Variants in RBFOX1 observed in about 807,000 individuals in gnomAD.
The protein encoded by RBFOX1 is RNA binding fox-1 homolog 1, also known as RNA binding protein fox-1 homolog 1.
RBFOX1 carries 8 observed loss-of-function variants against 57.7 expected under a neutral mutation model. The ratio of observed to expected loss-of-function variants is 0.14; its 90% CI spans 0.08 to 0.25. The LOEUF is 0.25. RBFOX1 is among the 10% of genes least tolerant of loss of function. RBFOX1 has a pLI of 1.00. For synonymous variants in RBFOX1, 326 were observed against 222.4 expected, an observed-to-expected ratio of 1.47 and a Z score of -4.15; for missense variants, 611 against 548.5, an observed-to-expected ratio of 1.11 and a Z score of -1.14.
rs925443041 is a variant in RBFOX1, at chr16:7,003,994, T to G, written c.-15-48063T>G. ...CCCAGGGTAGAAATGAGGGGTTTTT[T>G]TTTTTTTTTTTATAAAAAAAGTAAC... is the stretch of plus-strand genomic sequence containing the variant. On this transcript the variant is annotated intron_variant, in intron 3 of 15. Transcript: ENST00000550418. The G allele has an allele frequency of 3.3e-4, 50 of 151,922 alleles. 1 individual carries two copies. Among genetic ancestry groups the G allele is most frequent in the Non-Finnish European group, 3.4e-4 (23 of 67,964 alleles). The allele number at this position is 151,922 out of a possible 1,614,324, so 9.4% of individuals were successfully genotyped here.
chr16:6,151,547 A>G (rs1430938690), intron 1 of RBFOX1, among the ~76,000 whole-genome samples: 1 of 152,182 alleles, frequency 6.6e-6, no homozygotes, highest in African/African-American at 2.4e-5. Flanking sequence ...TAGCCTCCCA[A>G]AGTGCTGGGG....
In RBFOX1 at chr16:5,401,782, C is replaced by G. The variant is rs1352622437; in HGVS notation, c.220-65434C>G. Among the ~76,000 whole-genome samples the G allele has an allele frequency of 3.3e-5, 5 of 150,462 alleles. No individual in the cohort carries two copies. The East Asian group carries it at 1.0e-3, about 30-fold the overall frequency. ...CTGTCTCTCTCCTCCTCCTCCTCCT[C>G]CTCCTCCTCCTCTTTCTCCTCCTCC... On this transcript the variant is annotated intron_variant, in intron 1 of 2. Coordinates refer to the RBFOX1 transcript ENST00000585867.
chr16:6,189,514 G>A (rs2097128858), intron 1 of RBFOX1, among the ~76,000 whole-genome samples: 1 of 152,204 alleles, frequency 6.6e-6, no homozygotes, highest in African/African-American at 2.4e-5. Context: ...TTAGCTTGCT[G>A]AAGGTTTGGG....
chr16:6,580,514 G>A (rs1213283070), intron 2 of RBFOX1, among the ~76,000 whole-genome samples: 1 of 152,048 alleles, frequency 6.6e-6, no homozygotes, highest in Non-Finnish European at 1.5e-5. Flanking sequence ...ATCCCTTATG[G>A]TCCTCTTCAT....
chr16:7,436,158 C>G (rs144327118), intron 4 of RBFOX1, among the ~76,000 whole-genome samples: 1 of 152,180 alleles, frequency 6.6e-6, no homozygotes, highest in African/African-American at 2.4e-5. Flanking sequence ...TTCTCACATT[C>G]CTCTCTTTTG....
chr16:5,313,505 G>C (rs971387726), intron 1 of RBFOX1, among the ~76,000 whole-genome samples: 6 of 152,094 alleles, frequency 3.9e-5, no homozygotes, highest in Admixed American at 2.6e-4. Context: ...CAAGAAGACT[G>C]TATTAGTCCA....
At chr16:5,362,443 A>C (rs942709473) in intron 1 of RBFOX1, among the ~76,000 whole-genome samples, 2 of 150,694 alleles carry the variant, frequency 1.3e-5, no homozygotes, top group African/African-American at 4.9e-5. Flanking sequence ...GCTCACCGCA[A>C]CCTCTGCCTC....
intron 4 of RBFOX1, among the ~76,000 whole-genome samples, chr16:5,889,363 C>G (rs965159756): frequency 6.6e-6 from 1 of 152,196 alleles, no homozygotes; most frequent in African/African-American, 2.4e-5. Flanking sequence ...AGGATAATGG[C>G]TTCCAGTTCC....
chr16:6,618,160 G>A (rs958856905), intron 2 of RBFOX1, among the ~76,000 whole-genome samples: 5 of 152,128 alleles, frequency 3.3e-5, no homozygotes, highest in Admixed American at 1.3e-4. Flanking sequence ...ATGAGGAGGG[G>A]TTAGTTTGGG....
At chr16:5,646,181 T>TA (rs2049048871) in intron 3 of RBFOX1, among the ~76,000 whole-genome samples, 1 of 80,862 alleles carries the variant, frequency 1.2e-5, no homozygotes. Flanking sequence ...AGGCACGTGC[T>TA]ATTTTTTTTT....
intron 4 of RBFOX1, among the ~76,000 whole-genome samples, chr16:7,066,599 C>T (rs752667847): frequency 6.6e-6 from 1 of 152,178 alleles, no homozygotes; most frequent in Non-Finnish European, 1.5e-5. Flanking sequence ...GACCCTGACT[C>T]ATAAAGCGGG....
intron 1 of RBFOX1, among the ~76,000 whole-genome samples, chr16:6,261,267 C>T (rs959036394): frequency 3.3e-5 from 5 of 152,218 alleles, no homozygotes; most frequent in African/African-American, 2.4e-5. Flanking sequence ...GGCATATCCT[C>T]ATTGTGTGTG....
At chr16:5,905,830 G>A (rs1429172459) in intron 4 of RBFOX1, among the ~76,000 whole-genome samples, 3 of 152,162 alleles carry the variant, frequency 2.0e-5, no homozygotes, top group Non-Finnish European at 4.4e-5. Context: ...CCAAGCCCCA[G>A]CAAAGTGATA....
At chr16:6,142,937 T>C (rs1405235467) in intron 1 of RBFOX1, among the ~76,000 whole-genome samples, 1 of 152,222 alleles carries the variant, frequency 6.6e-6, no homozygotes, top group African/African-American at 2.4e-5. Context: ...CCTCCTCTGT[T>C]ACTCCTGAAG....
chr16:6,981,219 G>T (rs936301195), intron 3 of RBFOX1, among the ~76,000 whole-genome samples: 1 of 151,864 alleles, frequency 6.6e-6, no homozygotes, highest in East Asian at 1.9e-4. Context: ...CATCACCCAG[G>T]TATTAAGCCT....
At chr16:6,257,568 A>C (rs927443696) in intron 1 of RBFOX1, among the ~76,000 whole-genome samples, 3 of 151,850 alleles carry the variant, frequency 2.0e-5, no homozygotes, top group Non-Finnish European at 4.4e-5. Context: ...ATCCTCTCCC[A>C]CTTCCCATCC....
At chr16:6,701,256 C>T (rs2061805973) in intron 3 of RBFOX1, among the ~76,000 whole-genome samples, 1 of 152,148 alleles carries the variant, frequency 6.6e-6, no homozygotes, top group South Asian at 2.1e-4. Context: ...AGCAAGGAGG[C>T]TCTCTGCAGC....
chr16:6,235,400 G>A (rs1485060198), intron 1 of RBFOX1, among the ~76,000 whole-genome samples: 7 of 152,010 alleles, frequency 4.6e-5, no homozygotes, highest in Non-Finnish European at 1.0e-4. Context: ...GTGCCATGCC[G>A]CATATCTACC....
chr16:7,123,845 T>G (rs2067769699), intron 4 of RBFOX1, among the ~76,000 whole-genome samples: 1 of 152,080 alleles, frequency 6.6e-6, no homozygotes, highest in Non-Finnish European at 1.5e-5. Flanking sequence ...TGCACGAGGG[T>G]GGGGCTGTGG....
Sources: allele counts gnomAD v4.1 joint callset (sites outside exome capture counted in the v4.1 genomes callset), GRCh38; gene constraint gnomAD v4.1.1; transcripts MANE v1.5; gene names NCBI Gene and HGNC (gene_info 2026-07-23, HGNC 2026-07-21).